The following OSBPL8 variants were observed in gnomAD, a reference collection of about 807,000 sequenced individuals.
OSBPL8 encodes the protein oxysterol-binding protein-related protein 8.
A neutral mutation model predicts 125.5 loss-of-function variants in OSBPL8; 59 were observed. The observed-to-expected ratio is 0.47, with a 90% CI of 0.38 to 0.58. The LOEUF is 0.58. Ranked by LOEUF, OSBPL8 falls within the 20% of genes least tolerant of loss-of-function variation. The pLI, the probability that OSBPL8 is intolerant of heterozygous loss-of-function variation, is 0.00. For synonymous variants in OSBPL8, 330 were observed against 338.9 expected, an observed-to-expected ratio of 0.97 and a Z score of 0.29; for missense variants, 758 against 1,047.8, an observed-to-expected ratio of 0.72 and a Z score of 3.82.
intron 1 of OSBPL8, among the ~76,000 whole-genome samples, chr12:76,495,120 G>A (rs1218032736): frequency 2.0e-5 from 3 of 152,118 alleles, no homozygotes; most frequent in Non-Finnish European, 2.9e-5. Flanking sequence ...AGCAGATAAC[G>A]AGAACGTATT....
intron 2 of OSBPL8, among the ~76,000 whole-genome samples, chr12:76,471,411 C>G (rs188267296): frequency 6.6e-6 from 1 of 152,244 alleles, no homozygotes; most frequent in East Asian, 1.9e-4. Context: ...CTCTAAATTT[C>G]TCCTTCACTT....
chr12:76,380,208 C>T (rs1286570057), intron 15 of OSBPL8, among the ~76,000 whole-genome samples: 3 of 152,132 alleles, frequency 2.0e-5, no homozygotes, highest in African/African-American at 7.2e-5. Context: ...GAGTCTATGG[C>T]TCAATTAAGG....
intron 3 of OSBPL8, among the ~76,000 whole-genome samples, chr12:76,456,331 G>C (rs974486772): frequency 1.3e-5 from 2 of 152,108 alleles, no homozygotes; most frequent in African/African-American, 4.8e-5. Flanking sequence ...CAAGTACCAA[G>C]AAATTACAGC....
chr12:76,453,595 CAT>C (rs893238676), intron 3 of OSBPL8, among the ~76,000 whole-genome samples: 10 of 152,108 alleles, frequency 6.6e-5, no homozygotes, highest in African/African-American at 2.2e-4. Context: ...AGACTACAGA[CAT>C]AATGTAAAAA....
chr12:76,447,889 A>G (rs1872905061), intron 4 of OSBPL8, among the ~76,000 whole-genome samples: 1 of 152,206 alleles, frequency 6.6e-6, no homozygotes, highest in Non-Finnish European at 1.5e-5. Context: ...AAGAAAACAA[A>G]AGTAAACAAG....
At chr12:76,548,370 T>G (rs1003563676) in intron 1 of OSBPL8, among the ~76,000 whole-genome samples, 6 of 152,014 alleles carry the variant, frequency 3.9e-5, no homozygotes, top group Non-Finnish European at 7.4e-5. Context: ...CAGGAAAGCA[T>G]GATTATAAAG....
At chr12:76,526,514 TAATAA>T (rs1310969954) in intron 1 of OSBPL8, among the ~76,000 whole-genome samples, 1 of 151,840 alleles carries the variant, frequency 6.6e-6, no homozygotes, top group Non-Finnish European at 1.5e-5. Flanking sequence ...TAGCCTCAAC[TAATAA>T]AATCCATGAA....
At chr12:76,373,672 TAAGA>T (rs1197618100) in intron 17 of OSBPL8, among the ~76,000 whole-genome samples, 1 of 152,080 alleles carries the variant, frequency 6.6e-6, no homozygotes, top group Non-Finnish European at 1.5e-5. Context: ...ATAAACATAT[TAAGA>T]AAGATCACCC....
chr12:76,356,707 G>C lies in OSBPL8; in HGVS notation c.2456C>G (p.Thr819Arg). 6.2e-7 allele frequency: 1 copy of C among 1,607,338 alleles called. No homozygotes were observed. Among genetic ancestry groups the C allele is most frequent in the Non-Finnish European group, 8.5e-7 (1 of 1,176,390 alleles). The change falls in exon 23 of 24, where the codon ACA (threonine) becomes AGA (arginine). Residue 819 changes from threonine to arginine, a missense_variant. Thr to Arg is a moderately conservative substitution (Grantham distance 71). Around this residue, in one of 3 missense-constraint regions of OSBPL8, gnomAD observed 572 missense variants for 762.0 expected, o/e 0.75. Coordinates refer to ENST00000261183, the MANE Select transcript of OSBPL8 (RefSeq NM_020841.5). ...GSEAQSVKPS[T>R]RRKKGIELGD... ...CAGTTCTATTCCTTTCTTTCTTCTT[G>C]TACTTGGTTTTACTGATTGAGCTAA...
intron 1 of OSBPL8, among the ~76,000 whole-genome samples, chr12:76,546,478 T>C (rs1001317482): frequency 5.3e-5 from 8 of 152,266 alleles, no homozygotes; most frequent in African/African-American, 1.9e-4. Context: ...AAGTATTATC[T>C]ATATAATGCT....
At chr12:76,483,948 T>C (rs1877852701) in intron 2 of OSBPL8, among the ~76,000 whole-genome samples, 1 of 152,124 alleles carries the variant, frequency 6.6e-6, no homozygotes, top group South Asian at 2.1e-4. Flanking sequence ...GTGCTGAGAT[T>C]ACAGGCGTGA....
At chr12:76,480,740 C>T (rs555675617) in intron 2 of OSBPL8, among the ~76,000 whole-genome samples, 1 of 152,266 alleles carries the variant, frequency 6.6e-6, no homozygotes, top group South Asian at 2.1e-4. Context: ...TTGGGTTATC[C>T]AACAACAGGA....
chr12:76,471,532 A>G (rs977319534), intron 2 of OSBPL8, among the ~76,000 whole-genome samples: 1 of 152,140 alleles, frequency 6.6e-6, no homozygotes, highest in African/African-American at 2.4e-5. Context: ...ATCCACAGTT[A>G]CTGCTACTAC....
chr12:76,556,755 C>T (rs7968579), intron 1 of OSBPL8, among the ~76,000 whole-genome samples: 1,593 of 152,296 alleles, frequency 0.01, 37 homozygotes, highest in African/African-American at 0.037. Context: ...TCTCTGTCTC[C>T]TGGGTTCATG....
intron 6 of OSBPL8, among the ~76,000 whole-genome samples, chr12:76,401,736 T>C (rs188816036): frequency 3.0e-4 from 46 of 152,274 alleles, no homozygotes; most frequent in Admixed American, 2.8e-3. Context: ...CACAACTGTT[T>C]GCAATTGGAA....
At chr12:76,542,399 G>A (rs577365554) in intron 1 of OSBPL8, among the ~76,000 whole-genome samples, 1 of 152,222 alleles carries the variant, frequency 6.6e-6, no homozygotes, top group East Asian at 1.9e-4. Flanking sequence ...CACCAGTCTA[G>A]AACTTTCTCT....
At chr12:76,379,206 A>G (rs1192350166) in intron 15 of OSBPL8, among the ~76,000 whole-genome samples, 1 of 152,190 alleles carries the variant, frequency 6.6e-6, no homozygotes, top group East Asian at 1.9e-4. Flanking sequence ...TTTTAGCTGT[A>G]AGTCACATTA....
intron 1 of OSBPL8, among the ~76,000 whole-genome samples, chr12:76,504,581 A>C (rs1221394952): frequency 6.6e-6 from 1 of 152,222 alleles, no homozygotes; most frequent in Non-Finnish European, 1.5e-5. Context: ...TGACAATGAA[A>C]GGGATTCGAC....
chr12:76,497,737 T>C (rs1879427701), intron 1 of OSBPL8, among the ~76,000 whole-genome samples: 1 of 152,170 alleles, frequency 6.6e-6, no homozygotes, highest in Non-Finnish European at 1.5e-5. Context: ...AGGTCCTTTT[T>C]TACTGTACCT....
Sources: allele counts gnomAD v4.1 joint callset (sites outside exome capture counted in the v4.1 genomes callset), GRCh38; gene constraint gnomAD v4.1.1; regional missense constraint gnomAD v4.1.1; transcripts MANE v1.5; gene names NCBI Gene and HGNC (gene_info 2026-07-23, HGNC 2026-07-21).